EYS: variants seen among roughly 807,000 people sequenced by gnomAD.
EYS encodes EGF-like photoreceptor maintenance factor, also known as protein eyes shut homolog.
EYS carries 250 observed loss-of-function variants against 282.1 expected under a neutral mutation model. The observed-to-expected ratio is 0.89, with a 90% CI of 0.80 to 0.98. The LOEUF (loss-of-function observed/expected upper bound fraction) is 0.98. EYS is among the 50% of genes least tolerant of loss of function. The pLI is 0.00. For missense variants in EYS, 4,016 were observed against 3,709.0 expected, an observed-to-expected ratio of 1.08 and a Z score of -2.15; for synonymous variants, 1,355 against 1,282.9, an observed-to-expected ratio of 1.06 and a Z score of -1.20.
At chr6:64,827,176 A>T (rs372369657) in intron 19 of EYS, among the ~76,000 whole-genome samples, 1 of 151,868 alleles carries the variant, frequency 6.6e-6, no homozygotes, top group Non-Finnish European at 1.5e-5. Context: ...AAAATTAAAC[A>T]TTCTCAATAT....
chr6:65,367,442 CCT>C (rs1249106491), intron 8 of EYS, among the ~76,000 whole-genome samples: 1 of 151,386 alleles, frequency 6.6e-6, no homozygotes, highest in Non-Finnish European at 1.5e-5. Context: ...AATTATTTTT[CCT>C]GTTTCAGCAC....
At chr6:65,107,687 T>C (rs77985653) in intron 12 of EYS, among the ~76,000 whole-genome samples, 1 of 149,744 alleles carries the variant, frequency 6.7e-6, no homozygotes, top group Non-Finnish European at 1.5e-5. Context: ...TTTTTTTTTG[T>C]TTGTTTGGTT....
At chr6:65,142,933 T>C (rs1365210158) in intron 12 of EYS, among the ~76,000 whole-genome samples, 1 of 152,026 alleles carries the variant, frequency 6.6e-6, no homozygotes, top group African/African-American at 2.4e-5. Context: ...CATTTTCAGA[T>C]AAAAGAAACT....
At chr6:65,236,877 CTT>C (rs1489402015) in intron 12 of EYS, among the ~76,000 whole-genome samples, 3 of 152,126 alleles carry the variant, frequency 2.0e-5, no homozygotes, top group Non-Finnish European at 4.4e-5. Context: ...TTAAATCTCT[CTT>C]TATCTTTTCT....
At chr6:65,283,157 A>T (rs539826302) in intron 12 of EYS, among the ~76,000 whole-genome samples, 1 of 151,978 alleles carries the variant, frequency 6.6e-6, no homozygotes, top group Non-Finnish European at 1.5e-5. Flanking sequence ...AATTAAAACA[A>T]TATGACTCAA....
At chr6:64,172,538 A>C (rs1764512870) in intron 31 of EYS, among the ~76,000 whole-genome samples, 1 of 152,218 alleles carries the variant, frequency 6.6e-6, no homozygotes, top group Admixed American at 6.5e-5. Flanking sequence ...AAATAAAAAC[A>C]TAACTATCTT....
chr6:63,924,495 G>A (rs1764660470), intron 35 of EYS, among the ~76,000 whole-genome samples: 2 of 152,228 alleles, frequency 1.3e-5, no homozygotes, highest in South Asian at 4.1e-4. Context: ...AGCATCGTTT[G>A]TGAAACACCT....
chr6:64,261,311 T>C (rs1240445026), intron 30 of EYS, among the ~76,000 whole-genome samples: 1 of 152,096 alleles, frequency 6.6e-6, no homozygotes, highest in East Asian at 1.9e-4. Flanking sequence ...AAAAAGCTTC[T>C]GCATATCAAA....
chr6:64,589,556 A>T (rs17217952), intron 26 of EYS, among the ~76,000 whole-genome samples: 15,333 of 152,064 alleles, frequency 0.1, 923 homozygotes, highest in East Asian at 0.17. Flanking sequence ...CAAGGGGAGA[A>T]TAGTGATTTA....
chr6:64,258,695 G>A (rs138986948), intron 30 of EYS, among the ~76,000 whole-genome samples: 10 of 152,146 alleles, frequency 6.6e-5, no homozygotes, highest in African/African-American at 2.4e-4. Flanking sequence ...AGAAGAAAAT[G>A]TCTCAGTACT....
At chr6:64,547,583 A>G (rs984836839) in intron 26 of EYS, among the ~76,000 whole-genome samples, 2 of 152,320 alleles carry the variant, frequency 1.3e-5, no homozygotes, top group Admixed American at 6.5e-5. Flanking sequence ...CAGAGTGCCA[A>G]TTGGTGTATT....
At chr6:64,675,421 T>TTCTTTTC (rs1769617774) in intron 22 of EYS, among the ~76,000 whole-genome samples, 1 of 87,746 alleles carries the variant, frequency 1.1e-5, no homozygotes, top group African/African-American at 4.6e-5. Flanking sequence ...TGTTTCTCTT[T>TTCTTTTC]TTTTTTCTTT....
Position 64,000,180 on chromosome 6 carries a change from T to TCA in EYS, c.6726-998_6726-997insTG, listed in dbSNP as rs760587378. On this transcript the variant is annotated intron_variant, in intron 33 of 42. Coordinates refer to ENST00000503581, the MANE Select transcript of EYS (RefSeq NM_001142800.2). ...CCAAGACATGGGACTTTTTTTTTTT[T>TCA]TTTTTTTTTTTTTTTTTTTTTTTTT... Among the ~76,000 whole-genome samples the TCA allele has an allele frequency of 1.3e-4, 6 of 47,016 alleles. 2 individuals are homozygous for TCA. The highest frequency in any genetic ancestry group is 9.3e-4 in the South Asian group (1 of 1,080). The allele number at this position is 47,016 out of a possible 152,430, so 30.8% of individuals were successfully genotyped here. A position where few individuals can be genotyped will look rare whatever the true frequency, so the allele number is the denominator to read the frequency against.
intron 2 of EYS, among the ~76,000 whole-genome samples, chr6:65,498,349 T>C (rs1766327881): frequency 6.6e-6 from 1 of 152,090 alleles, no homozygotes; most frequent in Non-Finnish European, 1.5e-5. Context: ...GGTGTATTAT[T>C]TTCCCAGCAG....
chr6:64,071,587 A>T (rs71570661), intron 32 of EYS, among the ~76,000 whole-genome samples: 15,441 of 149,498 alleles, frequency 0.1, 1,433 homozygotes, highest in African/African-American at 0.26. Context: ...AATCAGCTAA[A>T]TCTTAAAGAA....
intron 2 of EYS, among the ~76,000 whole-genome samples, chr6:65,560,019 G>A (rs541213760): frequency 2.0e-5 from 3 of 150,018 alleles, no homozygotes; most frequent in African/African-American, 7.3e-5. Flanking sequence ...ATGTATTTCA[G>A]TTTTAGTTTA....
chr6:65,122,979 T>A (rs2150197131), intron 12 of EYS, among the ~76,000 whole-genome samples: 2 of 152,248 alleles, frequency 1.3e-5, no homozygotes, highest in East Asian at 3.9e-4. Context: ...CAATTAGTCG[T>A]GATTTCTAAA....
At chr6:64,322,491 G>A (rs978042086) in intron 29 of EYS, among the ~76,000 whole-genome samples, 15 of 151,994 alleles carry the variant, frequency 9.9e-5, no homozygotes, top group South Asian at 8.3e-4. Flanking sequence ...GAACTACCAC[G>A]GAAGCAAGGA....
intron 13 of EYS, among the ~76,000 whole-genome samples, chr6:65,018,184 C>T (rs1009263117): frequency 1.3e-5 from 2 of 152,194 alleles, no homozygotes; most frequent in Admixed American, 6.5e-5. Context: ...GCAACCATAT[C>T]AAAGCACCAC....
Sources: allele counts gnomAD v4.1 joint callset (sites outside exome capture counted in the v4.1 genomes callset), GRCh38; gene constraint gnomAD v4.1.1; transcripts MANE v1.5; gene names NCBI Gene and HGNC (gene_info 2026-07-23, HGNC 2026-07-21).